The following CD81 variants were observed in gnomAD, a reference collection of about 807,000 sequenced individuals.
CD81 encodes CD81 antigen.
CD81 carries 10 observed loss-of-function variants against 30.1 expected under a neutral mutation model. That is an observed-to-expected ratio of 0.33 (90% CI 0.21 to 0.56). CD81 has a LOEUF of 0.56. CD81 is among the 20% of genes least tolerant of loss of function. The pLI is 0.89. For missense variants in CD81, 263 were observed against 308.7 expected (o/e 0.85, Z 1.11); for synonymous variants, 147 against 126.4 (o/e 1.16, Z -1.10).
At chr11:2,376,543 CG>C (rs1849590948), upstream of CD81, among the ~76,000 whole-genome samples, 1 of 152,188 alleles carries the variant, frequency 6.6e-6, no homozygotes, top group African/African-American at 2.4e-5. Flanking sequence ...CCACACCTTC[CG>C]GAAGAGCCAC....
chr11:2,384,171 A>G (rs957822321), intron 1 of CD81, among the ~76,000 whole-genome samples: 3 of 152,132 alleles, frequency 2.0e-5, no homozygotes, highest in Middle Eastern at 6.8e-3. Context: ...ATAGAGTACA[A>G]ACACTGCTTT....
At chr11:2,388,204 G>A (rs11821349) in intron 1 of CD81, among the ~76,000 whole-genome samples, 30 of 152,204 alleles carry the variant, frequency 2.0e-4, no homozygotes, top group African/African-American at 6.3e-4. Context: ...TTGCTACCAC[G>A]CCCAGCCCCC....
intron 1 of CD81, chr11:2,390,145 G>T: frequency 1.7e-6 from 1 of 583,136 alleles, no homozygotes; most frequent in Non-Finnish European, 3.1e-6. Context: ...GGCGTCCCGT[G>T]TCTTCCTGGC....
chr11:2,388,710 C>T (rs557026305), intron 1 of CD81, among the ~76,000 whole-genome samples: 1 of 150,606 alleles, frequency 6.6e-6, no homozygotes, highest in East Asian at 1.9e-4. Context: ...GCATTCTCCG[C>T]CAGGGGGGTT....
In CD81 at chr11:2,396,702, C is replaced by G; in HGVS notation, c.636C>G (p.Val212=). 5.0e-6 allele frequency: 8 copies of G among 1,611,706 alleles called. 1 individual carries two copies. The South Asian group carries it at 7.7e-5, about 15-fold the overall frequency. The change falls in exon 7 of 8, where the codon GTC becomes GTG. Residue 212 remains valine, a synonymous_variant. Coordinates refer to ENST00000263645, the MANE Select transcript of CD81 (RefSeq NM_004356.4). Reference sequence around the variant, plus strand: ...TCATCGGCATTGCTGCCATCGTGGTCGCTGTGATCATGGTGAGCGGGCGGG... The same window carrying G: ...TCATCGGCATTGCTGCCATCGTGGTGGCTGTGATCATGGTGAGCGGGCGGG... ...LYLIGIAAIV[V]AVIMIFEMIL...
At position 2,395,533 on chromosome 11, in the gene CD81, G is replaced by A; in HGVS notation, c.459+13G>A. The A allele has an allele frequency of 6.2e-7, 1 of 1,607,326 alleles. No homozygotes were observed. The highest frequency in any genetic ancestry group is 8.5e-7 in the Non-Finnish European group (1 of 1,175,148). On this transcript the variant is annotated intron_variant, in intron 5 of 7. Transcript: ENST00000263645. Reference sequence around the variant, plus strand: ...CTTCCACGAGACGGTGCGGCCCCGGGGGGCGAGGGCGGGGAGCAGGGCCCC... The same window carrying A: ...CTTCCACGAGACGGTGCGGCCCCGGAGGGCGAGGGCGGGGAGCAGGGCCCC...
At chr11:2,385,323 C>T (rs1849771780) in intron 1 of CD81, among the ~76,000 whole-genome samples, 1 of 152,158 alleles carries the variant, frequency 6.6e-6, no homozygotes, top group Admixed American at 6.5e-5. Context: ...CCCTGGGGCC[C>T]TTGGGATCTC....
intron 1 of CD81, among the ~76,000 whole-genome samples, chr11:2,388,697 C>T (rs773995393): frequency 6.6e-6 from 1 of 152,006 alleles, no homozygotes; most frequent in Non-Finnish European, 1.5e-5. Context: ...GCCTTCTGGG[C>T]TGGCATTCTC....
At chr11:2,393,549 T>C (rs1012701506) in intron 2 of CD81, 96 of 335,104 alleles carry the variant, frequency 2.9e-4, no homozygotes, top group African/African-American at 1.6e-3. Context: ...GCAGCCCAGA[T>C]TGGGGGGCAG....
chr11:2,395,094 C>T (rs1334633156), intron 4 of CD81, 48 bp downstream of exon 4: 2 of 1,495,680 alleles, frequency 1.3e-6, no homozygotes, highest in Admixed American at 3.3e-5. Flanking sequence ...ACGGGGGCAC[C>T]CTCCTCTCCT....
In CD81 at chr11:2,397,187, C is replaced by T; in HGVS notation, c.*321C>T. 1 of 441,180 alleles carries T rather than the reference C, an allele frequency of 2.3e-6. No homozygotes were observed. Among genetic ancestry groups the T allele is most frequent in the South Asian group, 2.2e-5 (1 of 46,142 alleles). The allele number at this position is 441,180 out of a possible 1,614,324, so 27.3% of individuals were successfully genotyped here. A position where few individuals can be genotyped will look rare whatever the true frequency, so the allele number is the denominator to read the frequency against. On this transcript the variant is annotated 3_prime_UTR_variant, in exon 8 of 8. Transcript: ENST00000263645. ...CCTGGGAGCCACTCGCCCAGAGACTCAGCTTGGCCAACTTGGGGGGCTGTG... is the reference window on the plus strand; with the variant it reads ...CCTGGGAGCCACTCGCCCAGAGACTTAGCTTGGCCAACTTGGGGGGCTGTG...
chr11:2,386,252 C>A, intron 1 of CD81: 1 of 687,740 alleles, frequency 1.5e-6, no homozygotes. Flanking sequence ...ATTGGGTTGC[C>A]AGTTTTCTTG....
chr11:2,387,333 C>T (rs1753178821), intron 1 of CD81, among the ~76,000 whole-genome samples: 1 of 152,212 alleles, frequency 6.6e-6, no homozygotes, highest in South Asian at 2.1e-4. Context: ...CTCCCCCATC[C>T]ACCTGCCCCA....
intron 1 of CD81, chr11:2,385,798 C>T (rs986540471): frequency 9.7e-6 from 6 of 616,958 alleles, no homozygotes; most frequent in East Asian, 9.6e-5. Context: ...CAGGTTCACC[C>T]GTTCACCGGT....
intron 6 of CD81, 129 bp from the exon 7 acceptor site, chr11:2,396,498 TA>T: frequency 1.2e-6 from 1 of 835,040 alleles, no homozygotes; most frequent in Non-Finnish European, 2.0e-6. Flanking sequence ...CCGAGGTGGG[TA>T]GGGGGTGGGG....
chr11:2,397,070 G>A lies in CD81; in HGVS notation c.*204G>A. On this transcript the variant is annotated 3_prime_UTR_variant, in exon 8 of 8. Transcript: ENST00000263645. ...GACGTCACATGTAGGTGGCGTGTAT[G>A]AGTGGAGACGGGCCTGGGTCTTGGG... 1.6e-6 allele frequency: 1 copy of A among 621,014 alleles called. No individual in the cohort carries two copies. Among genetic ancestry groups the A allele is most frequent in the Non-Finnish European group, 2.9e-6 (1 of 345,096 alleles). 38.5% of individuals were successfully genotyped at this position (621,014 alleles called of 1,614,324 possible).
chr11:2,382,977 C>T (rs1259801111), intron 1 of CD81, among the ~76,000 whole-genome samples: 2 of 152,168 alleles, frequency 1.3e-5, no homozygotes. Flanking sequence ...GGGCTTGGTC[C>T]TCGGGGCACT....
chr11:2,396,479 C>T, intron 6 of CD81, 149 bp from the exon 7 acceptor site: 1 of 750,876 alleles, frequency 1.3e-6, no homozygotes, highest in South Asian at 1.5e-5. Flanking sequence ...GCCGCTGCAC[C>T]CGCCTGTTCC....
At chr11:2,385,968 C>T in intron 1 of CD81, 2 of 697,868 alleles carry the variant, frequency 2.9e-6, no homozygotes, top group Non-Finnish European at 2.7e-6. Flanking sequence ...ACTGCTTAAG[C>T]AGCAGTTTTA....
Sources: allele counts gnomAD v4.1 joint callset (sites outside exome capture counted in the v4.1 genomes callset), GRCh38; gene constraint gnomAD v4.1.1; transcripts MANE v1.5; gene names NCBI Gene and HGNC (gene_info 2026-07-23, HGNC 2026-07-21).